The following CFAP299 variants were observed in gnomAD, a reference collection of about 807,000 sequenced individuals.
CFAP299 encodes cilia and flagella associated protein 299, also known as cilia- and flagella-associated protein 299.
In CFAP299, 21 loss-of-function variants were observed where a neutral mutation model predicts 27.0. The ratio of observed to expected loss-of-function variants is 0.78; its 90% CI spans 0.55 to 1.12. CFAP299 has a LOEUF of 1.12. CFAP299 is among the 50% of genes most tolerant of loss of function. The pLI is 0.00. For missense variants in CFAP299, 310 were observed against 276.6 expected, an observed-to-expected ratio of 1.12 and a Z score of -0.86; for synonymous variants, 104 against 98.1, an observed-to-expected ratio of 1.06 and a Z score of -0.36.
chr4:80,413,492 T>C (rs1239896739), intron 2 of CFAP299, among the ~76,000 whole-genome samples: 1 of 152,212 alleles, frequency 6.6e-6, no homozygotes, highest in Non-Finnish European at 1.5e-5. Flanking sequence ...TACAGACTTT[T>C]GAGCTTAGAC....
intron 2 of CFAP299, among the ~76,000 whole-genome samples, chr4:80,382,955 A>G (rs951126682): frequency 3.3e-5 from 5 of 152,218 alleles, no homozygotes; most frequent in African/African-American, 1.2e-4. Flanking sequence ...GACAGACTGG[A>G]TAAAGAAAAT....
At position 80,748,928 on chromosome 4, in the gene CFAP299, G is replaced by A. The variant is rs78300656; in HGVS notation, c.334-121065G>A. On this transcript the variant is annotated intron_variant, in intron 3 of 5. Coordinates refer to ENST00000358105, the MANE Select transcript of CFAP299 (RefSeq NM_152770.3). ...TTGGAGTTCAATATTAAAAGTAATC[G>A]TCTGCCCACACATAATACAACAGTA... is the stretch of plus-strand genomic sequence containing the variant. Among the ~76,000 whole-genome samples the A allele has an allele frequency of 3.8e-4, 58 of 152,158 alleles. No homozygotes were observed. In the East Asian group the frequency reaches 6.6e-3, roughly 17 times the overall value.
chr4:80,570,916 T>G (rs1041325520), intron 2 of CFAP299, among the ~76,000 whole-genome samples: 15 of 152,094 alleles, frequency 9.9e-5, no homozygotes, highest in Admixed American at 7.9e-4. Flanking sequence ...TGGAACATAC[T>G]AAAGAAATAC....
intron 3 of CFAP299, among the ~76,000 whole-genome samples, chr4:80,640,157 G>T (rs1739652606): frequency 1.3e-5 from 2 of 152,300 alleles, no homozygotes; most frequent in South Asian, 4.1e-4. Context: ...AATAAACTAA[G>T]TGTGGGGCTC....
At chr4:80,655,169 G>A (rs796772301) in intron 3 of CFAP299, among the ~76,000 whole-genome samples, 11 of 152,074 alleles carry the variant, frequency 7.2e-5, no homozygotes, top group African/African-American at 1.4e-4. Flanking sequence ...CAAAACTTTC[G>A]GTGAGACTGA....
chr4:80,531,662 G>A (rs1464909647), intron 2 of CFAP299, among the ~76,000 whole-genome samples: 1 of 150,912 alleles, frequency 6.6e-6, no homozygotes, highest in Non-Finnish European at 1.5e-5. Context: ...AGGTGGCAAT[G>A]TTCCTAGCTA....
chr4:80,888,622 C>A (rs1734088502), intron 4 of CFAP299, among the ~76,000 whole-genome samples: 1 of 152,014 alleles, frequency 6.6e-6, no homozygotes, highest in East Asian at 1.9e-4. Flanking sequence ...ACAAATGTGC[C>A]TAATAGATAT....
At chr4:80,818,329 G>A (rs1018748919) in intron 3 of CFAP299, among the ~76,000 whole-genome samples, 1 of 152,022 alleles carries the variant, frequency 6.6e-6, no homozygotes, top group Admixed American at 6.6e-5. Context: ...TTTAAATTTT[G>A]TTTTGTTTGG....
At chr4:80,879,324 C>G (rs1459226741) in intron 4 of CFAP299, among the ~76,000 whole-genome samples, 1 of 152,026 alleles carries the variant, frequency 6.6e-6, no homozygotes, top group Non-Finnish European at 1.5e-5. Flanking sequence ...AGTACAAACC[C>G]CACAAATGAA....
intron 2 of CFAP299, among the ~76,000 whole-genome samples, chr4:80,505,849 C>T (rs1020690744): frequency 6.6e-6 from 1 of 151,862 alleles, no homozygotes; most frequent in African/African-American, 2.4e-5. Context: ...GACCCACCTA[C>T]TTGGGTGGCC....
At chr4:80,583,652 T>A (rs1324698749) in intron 3 of CFAP299, among the ~76,000 whole-genome samples, 2 of 151,926 alleles carry the variant, frequency 1.3e-5, no homozygotes, top group Admixed American at 1.3e-4. Context: ...TTATTTTGAA[T>A]GATCCAAGGA....
At chr4:80,953,431 C>T (rs1031428460) in intron 5 of CFAP299, among the ~76,000 whole-genome samples, 1 of 152,144 alleles carries the variant, frequency 6.6e-6, no homozygotes, top group Non-Finnish European at 1.5e-5. Flanking sequence ...TGGGTAATCA[C>T]CTGGTATATC....
chr4:80,562,267 A>G (rs911382955), intron 2 of CFAP299, among the ~76,000 whole-genome samples: 1 of 152,066 alleles, frequency 6.6e-6, no homozygotes, highest in Admixed American at 6.6e-5. Context: ...CCATAAAACA[A>G]ATAACAACAT....
At chr4:80,444,059 G>A (rs1728494721) in intron 2 of CFAP299, among the ~76,000 whole-genome samples, 1 of 152,166 alleles carries the variant, frequency 6.6e-6, no homozygotes. Flanking sequence ...AACATTCCAT[G>A]CTCATGGATA....
At chr4:80,432,408 C>A (rs1300403498) in intron 2 of CFAP299, among the ~76,000 whole-genome samples, 1 of 152,168 alleles carries the variant, frequency 6.6e-6, no homozygotes, top group Admixed American at 6.5e-5. Flanking sequence ...GTCTTGGCCT[C>A]CCAAAGTGCT....
intron 1 of CFAP299, among the ~76,000 whole-genome samples, chr4:80,340,253 A>G (rs1156256136): frequency 2.0e-5 from 3 of 152,146 alleles, no homozygotes; most frequent in African/African-American, 7.2e-5. Context: ...TGATTGTGCA[A>G]CCCTGCCTTG....
intron 2 of CFAP299, among the ~76,000 whole-genome samples, chr4:80,481,786 G>A (rs1730583829): frequency 6.6e-6 from 1 of 152,020 alleles, no homozygotes; most frequent in Non-Finnish European, 1.5e-5. Flanking sequence ...GCTATTATAT[G>A]TATTAATTAT....
intron 2 of CFAP299, among the ~76,000 whole-genome samples, chr4:80,511,955 CT>C (rs1332650196): frequency 3.3e-5 from 5 of 152,050 alleles, no homozygotes; most frequent in African/African-American, 1.2e-4. Context: ...CAAAAATTAA[CT>C]TTTAAAAATT....
chr4:80,693,909 A>C (rs1720921028), intron 3 of CFAP299, among the ~76,000 whole-genome samples: 1 of 151,950 alleles, frequency 6.6e-6, no homozygotes, highest in Admixed American at 6.6e-5. Flanking sequence ...TGTAAAATTT[A>C]TTCATTAAAC....
Sources: gnomAD v4.1 joint callset for allele counts (sites outside exome capture counted in the v4.1 genomes callset) on GRCh38, gnomAD v4.1.1 for gene constraint, MANE v1.5 for transcripts, NCBI Gene and HGNC (gene_info 2026-07-23, HGNC 2026-07-21) for gene names.